RBFOX1: variants seen among roughly 807,000 people sequenced by gnomAD.
The protein encoded by RBFOX1 is RNA binding protein fox-1 homolog 1.
RBFOX1 carries 8 observed loss-of-function variants against 57.7 expected under a neutral mutation model. That is an observed-to-expected ratio of 0.14 (90% CI 0.08 to 0.25). The LOEUF (loss-of-function observed/expected upper bound fraction) is 0.25. Among genes scored for constraint, RBFOX1 ranks in the 10% least tolerant of loss-of-function variants. The pLI is 1.00. For missense variants in RBFOX1, 611 were observed against 548.5 expected (o/e 1.11, Z -1.14); for synonymous variants, 326 against 222.4 (o/e 1.47, Z -4.15).
At chr16:6,924,057 C>T (rs1055825973) in intron 3 of RBFOX1, among the ~76,000 whole-genome samples, 2 of 151,822 alleles carry the variant, frequency 1.3e-5, no homozygotes, top group African/African-American at 4.8e-5. Context: ...GTAGTCCCAG[C>T]TTCTCGGGAG....
intron 3 of RBFOX1, among the ~76,000 whole-genome samples, chr16:6,805,233 T>C (rs1379396395): frequency 5.3e-5 from 8 of 152,170 alleles, no homozygotes; most frequent in African/African-American, 1.9e-4. Context: ...ATCCTGTCTT[T>C]TGCAGGAACA....
At chr16:6,696,414 A>G (rs887474798) in intron 3 of RBFOX1, among the ~76,000 whole-genome samples, 1 of 152,198 alleles carries the variant, frequency 6.6e-6, no homozygotes, top group African/African-American at 2.4e-5. Flanking sequence ...TTTTCTTCCT[A>G]GTGAAAAATG....
At chr16:7,127,414 A>G (rs1014399940) in intron 4 of RBFOX1, among the ~76,000 whole-genome samples, 1 of 152,230 alleles carries the variant, frequency 6.6e-6, no homozygotes. Flanking sequence ...GCACTTAGCC[A>G]CTATTATCCC....
At chr16:6,117,764 G>T (rs943758167) in intron 1 of RBFOX1, among the ~76,000 whole-genome samples, 2 of 152,224 alleles carry the variant, frequency 1.3e-5, no homozygotes, top group African/African-American at 4.8e-5. Flanking sequence ...GCACAAAATG[G>T]AGTAAGACGC....
intron 4 of RBFOX1, among the ~76,000 whole-genome samples, chr16:7,451,771 C>G (rs1403973987): frequency 6.8e-6 from 1 of 146,728 alleles, no homozygotes; most frequent in African/African-American, 2.5e-5. Flanking sequence ...GAGGCAAGAC[C>G]AAATTTGTGT....
At position 6,651,710 on chromosome 16, in the gene RBFOX1, A is replaced by T. The variant is rs921942082; in HGVS notation, c.-63-2893A>T. On this transcript the variant is annotated intron_variant, in intron 2 of 15. Coordinates refer to ENST00000550418, the MANE Select transcript of RBFOX1 (RefSeq NM_018723.4). ...GTTTGGCAATCTCACTTCTGGGCAT[A>T]CGCACAAAAGACTTGAAAGCAGGGA... Among the ~76,000 whole-genome samples the T allele has an allele frequency of 2.0e-5, 3 of 152,204 alleles. No homozygotes were observed. In the East Asian group the frequency reaches 5.8e-4, roughly 29 times the overall value.
At chr16:6,228,004 C>T (rs183679415) in intron 1 of RBFOX1, among the ~76,000 whole-genome samples, 1 of 152,138 alleles carries the variant, frequency 6.6e-6, no homozygotes, top group Non-Finnish European at 1.5e-5. Flanking sequence ...TTTATTGCAG[C>T]ACTATTCAAA....
At chr16:5,363,634 C>T (rs1297344373) in intron 1 of RBFOX1, among the ~76,000 whole-genome samples, 1 of 152,142 alleles carries the variant, frequency 6.6e-6, no homozygotes, top group African/African-American at 2.4e-5. Flanking sequence ...TAGGTAGCAC[C>T]TTGTACTAAT....
At chr16:6,641,406 G>A (rs764491452) in intron 2 of RBFOX1, among the ~76,000 whole-genome samples, 2 of 152,074 alleles carry the variant, frequency 1.3e-5, no homozygotes, top group Non-Finnish European at 2.9e-5. Flanking sequence ...GTTTTGTTTT[G>A]GTGCTGGTGA....
intron 1 of RBFOX1, chr16:5,366,063 G>A: frequency 2.1e-6 from 1 of 473,906 alleles, no homozygotes; most frequent in Non-Finnish European, 4.1e-6. Flanking sequence ...TTTCCCTTGG[G>A]GCTTTGAAAT....
intron 3 of RBFOX1, among the ~76,000 whole-genome samples, chr16:6,848,554 A>C (rs34247964): frequency 0.17 from 25,210 of 151,894 alleles, 2,531 homozygotes; most frequent in South Asian, 0.25. Context: ...GAAAAAGAAA[A>C]GAAGAGATAG....
chr16:5,621,034 G>A (rs1002602621), intron 3 of RBFOX1, among the ~76,000 whole-genome samples: 5 of 152,134 alleles, frequency 3.3e-5, no homozygotes, highest in South Asian at 4.1e-4. Context: ...TAGAGGCGAG[G>A]TTTCACCATG....
Position 5,511,260 on chromosome 16 carries a change from C to T in RBFOX1, c.258+44006C>T, listed in dbSNP as rs78476432. ...TGGCTGGCGGAACTGAGATGCTTGA[C>T]GTGACTTCAGAGATCTGGTTTGAGG... On this transcript the variant is annotated intron_variant, in intron 2 of 2. Coordinates refer to the RBFOX1 transcript ENST00000585867. Among the ~76,000 whole-genome samples the T allele has an allele frequency of 3.9e-3, 592 of 152,310 alleles. 5 individuals carry two copies. The highest frequency in any genetic ancestry group is 0.013 in the African/African-American group (551 of 41,564).
chr16:5,662,711 CT>C (rs1355319680), intron 3 of RBFOX1, among the ~76,000 whole-genome samples: 2 of 152,184 alleles, frequency 1.3e-5, no homozygotes, highest in African/African-American at 4.8e-5. Context: ...TAATAAGTCA[CT>C]GATAACACAG....
At chr16:5,341,288 T>C (rs2065025500) in intron 1 of RBFOX1, among the ~76,000 whole-genome samples, 1 of 150,310 alleles carries the variant, frequency 6.7e-6, no homozygotes, top group Non-Finnish European at 1.5e-5. Context: ...GGATAGGGAA[T>C]GGCATGGTCT....
At chr16:5,486,617 A>G (rs1440137748) in intron 2 of RBFOX1, among the ~76,000 whole-genome samples, 1 of 152,102 alleles carries the variant, frequency 6.6e-6, no homozygotes, top group African/African-American at 2.4e-5. Flanking sequence ...ATGCCAGAAC[A>G]TCTCTTTCTT....
rs2095025304 is a variant in RBFOX1 at position 6,019,396 on chromosome 16, A to G, written c.-723A>G. 1 of 985,898 alleles carries G rather than the reference A, an allele frequency of 1.0e-6. No homozygotes were observed. Among genetic ancestry groups the G allele is most frequent in the South Asian group, 4.7e-5 (1 of 21,316 alleles). The allele number at this position is 985,898 out of a possible 1,614,324, so 61.1% of individuals were successfully genotyped here. Reference sequence around the variant, plus strand: ...GCTGCCCTGAAGTGGTTCTCCAAGCAGCGCGGAGGGTGGCGGACGGCGGAC... The same window carrying G: ...GCTGCCCTGAAGTGGTTCTCCAAGCGGCGCGGAGGGTGGCGGACGGCGGAC... On this transcript the variant is annotated 5_prime_UTR_variant, in exon 1 of 16. Transcript: ENST00000550418. This position sits in a 1 kb window ranked among gnomAD's most constrained non-coding sequence, Gnocchi z 4.2.
At position 6,713,972 on chromosome 16, in the gene RBFOX1, C is replaced by T. The variant is rs539074680; in HGVS notation, c.-16+59322C>T. 3.0e-4 allele frequency among the ~76,000 whole-genome samples: 46 copies of T among 152,314 alleles called. No homozygotes were observed. The South Asian group carries it at 6.0e-3, about 20-fold the overall frequency. On this transcript the variant is annotated intron_variant, in intron 3 of 15. Transcript: ENST00000550418. ...ATAATTCACATGAAAGTAGTTGATA[C>T]GGTTAGGCTTTGTGTACCCACGTAA...
At chr16:7,416,246 C>G (rs971132426) in intron 4 of RBFOX1, among the ~76,000 whole-genome samples, 2 of 152,272 alleles carry the variant, frequency 1.3e-5, no homozygotes, top group East Asian at 3.9e-4. Context: ...ATTATTTCTC[C>G]CCTCGCTCTC....
Sources: gnomAD v4.1 joint callset for allele counts (sites outside exome capture counted in the v4.1 genomes callset) on GRCh38, gnomAD v4.1.1 for gene constraint, Gnocchi (gnomAD v3.1) non-coding constraint, MANE v1.5 for transcripts, NCBI Gene and HGNC (gene_info 2026-07-23, HGNC 2026-07-21) for gene names.